The following THSD4 variants were observed in gnomAD, a reference collection of about 807,000 sequenced individuals.
THSD4 encodes the protein thrombospondin type 1 domain containing 4.
In THSD4, 69 loss-of-function variants were observed where a neutral mutation model predicts 119.0. That is an observed-to-expected ratio of 0.58 (90% CI 0.48 to 0.71). The LOEUF (loss-of-function observed/expected upper bound fraction) is 0.71. Among genes scored for constraint, THSD4 ranks in the 30% least tolerant of loss-of-function variants. The pLI is 0.00. For missense variants in THSD4, 1,393 were observed against 1,391.1 expected, an observed-to-expected ratio of 1.00 and a Z score of -0.02; for synonymous variants, 524 against 540.4, an observed-to-expected ratio of 0.97 and a Z score of 0.42.
intron 7 of THSD4, among the ~76,000 whole-genome samples, chr15:71,538,402 A>G (rs62026275): frequency 0.27 from 40,726 of 152,018 alleles, 6,192 homozygotes; most frequent in East Asian, 0.63. Context: ...AAATCCCTCT[A>G]CATGTTTAGT....
chr15:71,223,674 G>C (rs537355702), intron 4 of THSD4, among the ~76,000 whole-genome samples: 2 of 152,138 alleles, frequency 1.3e-5, no homozygotes, highest in Non-Finnish European at 2.9e-5. Context: ...AAAGAGGCGT[G>C]GTTTTCCATG....
At chr15:71,403,023 A>G (rs940043325) in intron 6 of THSD4, among the ~76,000 whole-genome samples, 7 of 152,116 alleles carry the variant, frequency 4.6e-5, no homozygotes, top group Admixed American at 3.9e-4. Flanking sequence ...CTCAAAATGT[A>G]TTGGGTATTC....
chr15:71,452,466 C>T (rs1364687863), intron 7 of THSD4, among the ~76,000 whole-genome samples: 1 of 149,986 alleles, frequency 6.7e-6, no homozygotes, highest in Admixed American at 6.7e-5. Flanking sequence ...CCTCCTCCCT[C>T]AGCTCTCAAA....
rs33972227 is a variant in THSD4, at chr15:71,682,572, C to CT, written c.1357+21853dup. 1.1e-3 allele frequency among the ~76,000 whole-genome samples: 150 copies of CT among 141,802 alleles called. 1 individual carries two copies. The highest frequency in any genetic ancestry group is 1.0e-2 in the South Asian group (45 of 4,520). 93.0% of individuals were successfully genotyped at this position (141,802 alleles called of 152,430 possible). ...ACAGCATATACTGTTTTGTATCTGG[C>CT]TTTTTTTTTTTTTTTCTCAACATTT... On this transcript the variant is annotated intron_variant, in intron 8 of 17. Coordinates refer to ENST00000261862, the MANE Select transcript of THSD4 (RefSeq NM_024817.3).
In THSD4 at chr15:71,372,555, G is replaced by T. The variant is rs1257212442; in HGVS notation, c.1016-39132G>T. Reference sequence around the variant, plus strand: ...TTGCTGGATGTCCACTGCAGACCCTGTTTGCCTGGGTATCAGCAGTGGAGG... The same window carrying T: ...TTGCTGGATGTCCACTGCAGACCCTTTTTGCCTGGGTATCAGCAGTGGAGG... On this transcript the variant is annotated intron_variant, in intron 6 of 17. Transcript: ENST00000261862. Among the ~76,000 whole-genome samples the T allele has an allele frequency of 2.0e-5, 3 of 152,248 alleles. 1 individual carries two copies. Among genetic ancestry groups the T allele is most frequent in the African/African-American group, 7.2e-5 (3 of 41,462 alleles).
At chr15:71,214,697 T>C (rs1422564004) in intron 3 of THSD4, among the ~76,000 whole-genome samples, 1 of 152,204 alleles carries the variant, frequency 6.6e-6, no homozygotes, top group Non-Finnish European at 1.5e-5. Flanking sequence ...AAGGCATGTC[T>C]TCCTTGCAGT....
At chr15:71,106,845 G>A (rs1156950600) in intron 1 of THSD4, among the ~76,000 whole-genome samples, 1 of 151,152 alleles carries the variant, frequency 6.6e-6, no homozygotes, top group Non-Finnish European at 1.5e-5. Flanking sequence ...TGTACATTGA[G>A]TCTTAAAGCA....
At chr15:71,561,146 T>G (rs80037190) in intron 7 of THSD4, among the ~76,000 whole-genome samples, 2 of 151,444 alleles carry the variant, frequency 1.3e-5, no homozygotes, top group African/African-American at 4.8e-5. Flanking sequence ...GGCTCATTTT[T>G]TGCATTTTTA....
intron 7 of THSD4, among the ~76,000 whole-genome samples, chr15:71,460,953 A>G (rs2047421660): frequency 6.6e-6 from 1 of 152,174 alleles, no homozygotes; most frequent in African/African-American, 2.4e-5. Context: ...ACCCCCCCAT[A>G]TTCATTAACT....
chr15:71,614,342 C>T (rs939219414), intron 7 of THSD4, among the ~76,000 whole-genome samples: 4 of 152,142 alleles, frequency 2.6e-5, no homozygotes, highest in East Asian at 1.9e-4. Flanking sequence ...TTGTCATTTT[C>T]GCCTGCTTTT....
At chr15:71,643,693 A>G (rs1347650715) in intron 7 of THSD4, among the ~76,000 whole-genome samples, 1 of 152,240 alleles carries the variant, frequency 6.6e-6, no homozygotes, top group Non-Finnish European at 1.5e-5. Context: ...TCTAACTCTT[A>G]TACAGGCATT....
At chr15:71,574,184 TA>T (rs2049407335) in intron 7 of THSD4, among the ~76,000 whole-genome samples, 1 of 152,192 alleles carries the variant, frequency 6.6e-6, no homozygotes, top group African/African-American at 2.4e-5. Flanking sequence ...AGTTCAAGTA[TA>T]TGCCTTAGAG....
At chr15:71,194,201 G>A (rs1264138978) in intron 3 of THSD4, among the ~76,000 whole-genome samples, 2 of 152,172 alleles carry the variant, frequency 1.3e-5, no homozygotes, top group Non-Finnish European at 1.5e-5. Flanking sequence ...TTTATCAGCA[G>A]CTTTAAAAAG....
chr15:71,594,036 G>A (rs949322830), intron 7 of THSD4, among the ~76,000 whole-genome samples: 2 of 152,040 alleles, frequency 1.3e-5, no homozygotes, highest in African/African-American at 4.8e-5. Flanking sequence ...GACTTGAGAG[G>A]GTGGTGAGGT....
At chr15:71,638,952 C>T (rs2050803079) in intron 7 of THSD4, among the ~76,000 whole-genome samples, 1 of 152,184 alleles carries the variant, frequency 6.6e-6, no homozygotes, top group Non-Finnish European at 1.5e-5. Context: ...TTTTAGATAG[C>T]TCCCTTCAAA....
intron 4 of THSD4, among the ~76,000 whole-genome samples, chr15:71,227,724 TAACA>T (rs1290017968): frequency 6.6e-6 from 1 of 152,218 alleles, no homozygotes; most frequent in Non-Finnish European, 1.5e-5. Flanking sequence ...TCCCTGACTC[TAACA>T]TCCTTGCTCT....
At chr15:71,736,707 CCCT>C (rs1410248704) in intron 10 of THSD4, among the ~76,000 whole-genome samples, 4 of 152,124 alleles carry the variant, frequency 2.6e-5, no homozygotes, top group African/African-American at 9.7e-5. Flanking sequence ...TCAAAATGTG[CCCT>C]CCTCCTCTCT....
chr15:71,731,532 A>C, intron 10 of THSD4: 1 of 304,776 alleles, frequency 3.3e-6, no homozygotes, highest in East Asian at 6.5e-5. Context: ...TAATCCTAGC[A>C]CTCTGGGAGG....
chr15:71,398,466 T>C (rs1461820278), intron 6 of THSD4, among the ~76,000 whole-genome samples: 2 of 152,050 alleles, frequency 1.3e-5, no homozygotes, highest in African/African-American at 2.4e-5. Flanking sequence ...AATGTGTAGC[T>C]TCTAACACAG....
Sources: gnomAD v4.1 joint callset for allele counts (sites outside exome capture counted in the v4.1 genomes callset) on GRCh38, gnomAD v4.1.1 for gene constraint, MANE v1.5 for transcripts, NCBI Gene and HGNC (gene_info 2026-07-23, HGNC 2026-07-21) for gene names.